Variants in THSD7B observed in about 807,000 individuals in gnomAD.
The protein encoded by THSD7B is thrombospondin type 1 domain containing 7B.
A neutral mutation model predicts 213.6 loss-of-function variants in THSD7B; 138 were observed. The ratio of observed to expected loss-of-function variants is 0.65; its 90% CI spans 0.56 to 0.74. THSD7B has a LOEUF of 0.74. Ranked by LOEUF, THSD7B falls within the 30% of genes least tolerant of loss-of-function variation. The probability of loss-of-function intolerance (pLI) is 0.00; values close to 1 mark genes in which losing one functional copy is unlikely to be tolerated. For missense variants in THSD7B, 1,931 were observed against 1,991.5 expected, an observed-to-expected ratio of 0.97 and a Z score of 0.58; for synonymous variants, 742 against 687.0, an observed-to-expected ratio of 1.08 and a Z score of -1.25.
chr2:136,982,405 C>A (rs1226164550), intron 2 of THSD7B, among the ~76,000 whole-genome samples: 2 of 151,874 alleles, frequency 1.3e-5, no homozygotes, highest in Non-Finnish European at 2.9e-5. Context: ...CACAGGGGAT[C>A]CTCCTATCTC....
In THSD7B at chr2:137,089,394, GTATA is replaced by G. The variant is rs1184335244; in HGVS notation, c.951-5474_951-5471del. ...TATGTATATATACTAGTGTGTATAT[GTATA>G]TATACATATACACACACATATATGT... On this transcript the variant is annotated intron_variant, in intron 3 of 27. Coordinates refer to ENST00000409968, the MANE Select transcript of THSD7B (RefSeq NM_001316349.2). Among the ~76,000 whole-genome samples the G allele has an allele frequency of 6.1e-5, 9 of 146,474 alleles. No homozygotes were observed. In the East Asian group the frequency reaches 1.2e-3, roughly 20 times the overall value.
intron 1 of THSD7B, among the ~76,000 whole-genome samples, chr2:136,777,215 G>T (rs1449483263): frequency 6.6e-6 from 1 of 152,104 alleles, no homozygotes; most frequent in Non-Finnish European, 1.5e-5. Flanking sequence ...GAAATGAAAC[G>T]GTGGGTGATG....
chr2:137,570,532 T>C (rs1681333955), intron 16 of THSD7B, among the ~76,000 whole-genome samples: 1 of 152,090 alleles, frequency 6.6e-6, no homozygotes, highest in Non-Finnish European at 1.5e-5. Flanking sequence ...ATGGTCTCAA[T>C]CTCTTTTTCT....
chr2:137,618,307 C>T (rs775730241), intron 18 of THSD7B, 85 bp from the exon 19 acceptor site: 5 of 1,074,840 alleles, frequency 4.7e-6, no homozygotes, highest in Admixed American at 2.2e-5. Flanking sequence ...TTATTCTCCA[C>T]CAAAGCAGAT....
chr2:137,103,637 C>A (rs765564636), intron 4 of THSD7B, among the ~76,000 whole-genome samples: 64 of 151,638 alleles, frequency 4.2e-4, no homozygotes, highest in Non-Finnish European at 5.3e-4. Context: ...TTCAGGAGAC[C>A]CATCTCACAT....
At chr2:137,041,182 G>A (rs370253674) in intron 2 of THSD7B, among the ~76,000 whole-genome samples, 8 of 152,122 alleles carry the variant, frequency 5.3e-5, no homozygotes, top group Admixed American at 4.6e-4. Flanking sequence ...TGGTCTCTGC[G>A]TGGATAAAAA....
At chr2:137,306,002 G>T (rs758716476) in intron 12 of THSD7B, among the ~76,000 whole-genome samples, 2 of 152,102 alleles carry the variant, frequency 1.3e-5, no homozygotes, top group Non-Finnish European at 2.9e-5. Context: ...TAGTACAAAA[G>T]ATAAAATGTG....
intron 12 of THSD7B, among the ~76,000 whole-genome samples, chr2:137,329,122 A>G (rs1197321650): frequency 6.6e-6 from 1 of 152,156 alleles, no homozygotes; most frequent in Admixed American, 6.6e-5. Flanking sequence ...AGAAGAGAGG[A>G]AGATGTGGGA....
intron 12 of THSD7B, among the ~76,000 whole-genome samples, chr2:137,315,498 G>A (rs761357812): frequency 1.8e-4 from 28 of 152,048 alleles, no homozygotes; most frequent in Non-Finnish European, 3.5e-4. Flanking sequence ...GCTGTAGACC[G>A]GAGCTGTTCC....
chr2:136,770,267 A>C (rs2104897697), intron 1 of THSD7B, among the ~76,000 whole-genome samples: 1 of 152,280 alleles, frequency 6.6e-6, no homozygotes, highest in African/African-American at 2.4e-5. Flanking sequence ...TGCATACATG[A>C]AAGATTTTAA....
chr2:137,600,490 C>T (rs529223920), intron 17 of THSD7B, among the ~76,000 whole-genome samples: 30 of 152,276 alleles, frequency 2.0e-4, no homozygotes, highest in Non-Finnish European at 4.4e-4. Context: ...GTAGTCCTAG[C>T]ACTTTGAGAG....
chr2:137,279,754 T>C (rs950595262), intron 12 of THSD7B, among the ~76,000 whole-genome samples: 3 of 152,152 alleles, frequency 2.0e-5, no homozygotes, highest in Non-Finnish European at 4.4e-5. Context: ...CTTGTTTCTT[T>C]ACGCATATTA....
chr2:137,130,911 G>A (rs1417567620), intron 5 of THSD7B, among the ~76,000 whole-genome samples: 4 of 151,308 alleles, frequency 2.6e-5, no homozygotes, highest in African/African-American at 9.7e-5. Flanking sequence ...GGATGGCTGG[G>A]TCAAATGGTA....
rs142540776 is a variant in THSD7B at position 137,321,403 on chromosome 2, C to T, written c.2500+45377C>T. Among the ~76,000 whole-genome samples the T allele has an allele frequency of 2.8e-3, 429 of 152,262 alleles. 2 individuals are homozygous for T. Among genetic ancestry groups the T allele is most frequent in the African/African-American group, 9.9e-3 (412 of 41,534 alleles). On this transcript the variant is annotated intron_variant, in intron 12 of 27. Transcript: ENST00000409968. ...CCTTGTGCTTTGTATATGAAAGTCA[C>T]GCACATGCATTCTTAGCTGTTATAA...
intron 7 of THSD7B, among the ~76,000 whole-genome samples, chr2:137,193,356 A>G (rs1013671194): frequency 6.6e-6 from 1 of 152,238 alleles, no homozygotes; most frequent in African/African-American, 2.4e-5. Context: ...TGTTAAATTT[A>G]TAAACACAGT....
intron 2 of THSD7B, among the ~76,000 whole-genome samples, chr2:137,033,118 CA>C (rs1484259157): frequency 3.4e-5 from 4 of 117,170 alleles, no homozygotes; most frequent in Non-Finnish European, 6.9e-5. Flanking sequence ...TACTTGATAA[CA>C]AGTACTCTAA....
chr2:136,903,853 C>A (rs762411175), intron 2 of THSD7B, among the ~76,000 whole-genome samples: 1 of 152,074 alleles, frequency 6.6e-6, no homozygotes, highest in African/African-American at 2.4e-5. Flanking sequence ...TTACATGAGG[C>A]TCTCAGGATA....
intron 15 of THSD7B, among the ~76,000 whole-genome samples, chr2:137,479,694 C>G (rs1688261796): frequency 6.6e-6 from 1 of 152,166 alleles, no homozygotes; most frequent in Non-Finnish European, 1.5e-5. Context: ...GCAGCAGCAT[C>G]TAGAAATGGT....
chr2:137,423,654 G>T (rs1416278110), intron 14 of THSD7B, among the ~76,000 whole-genome samples: 1 of 152,036 alleles, frequency 6.6e-6, no homozygotes, highest in Non-Finnish European at 1.5e-5. Flanking sequence ...GATTAAAGAA[G>T]ACCTAAATTA....
Sources: allele counts gnomAD v4.1 joint callset (sites outside exome capture counted in the v4.1 genomes callset), GRCh38; gene constraint gnomAD v4.1.1; transcripts MANE v1.5; gene names NCBI Gene and HGNC (gene_info 2026-07-23, HGNC 2026-07-21).